The following CACNA2D4 variants were observed in gnomAD, a reference collection of about 807,000 sequenced individuals.
CACNA2D4 encodes voltage-dependent calcium channel subunit alpha-2/delta-4.
A neutral mutation model predicts 163.8 loss-of-function variants in CACNA2D4; 157 were observed. The observed-to-expected ratio is 0.96, with a 90% CI of 0.84 to 1.09. The LOEUF is 1.09. Ranked by LOEUF, CACNA2D4 falls within the 50% of genes least tolerant of loss-of-function variation. The probability of loss-of-function intolerance (pLI) is 0.00; values close to 1 mark genes in which losing one functional copy is unlikely to be tolerated. For missense variants in CACNA2D4, 1,410 were observed against 1,479.9 expected (o/e 0.95, Z 0.78); for synonymous variants, 598 against 586.9 (o/e 1.02, Z -0.27).
intron 24 of CACNA2D4, among the ~76,000 whole-genome samples, chr12:1,845,409 A>G (rs1592706648): frequency 4.4e-5 from 6 of 135,140 alleles, no homozygotes; most frequent in South Asian, 5.5e-4. Context: ...GGGAGGGAGG[A>G]GGGAGGGAAA....
intron 16 of CACNA2D4, among the ~76,000 whole-genome samples, chr12:1,876,254 T>A (rs908011364): frequency 5.9e-5 from 9 of 152,226 alleles, no homozygotes; most frequent in African/African-American, 2.2e-4. Context: ...TGCATTTTCA[T>A]CTTAGGGATA....
At position 1,814,894 on chromosome 12, in the gene CACNA2D4, T is replaced by C. The variant is rs1255773123; in HGVS notation, c.2552-3171A>G. Among the ~76,000 whole-genome samples, 3 of 152,160 alleles carry C rather than the reference T, an allele frequency of 2.0e-5. No individual in the cohort carries two copies. The East Asian group carries it at 5.8e-4, about 29-fold the overall frequency. On this transcript the variant is annotated intron_variant, in intron 26 of 37. Coordinates refer to ENST00000382722, the MANE Select transcript of CACNA2D4 (RefSeq NM_172364.5). The stretch of plus-strand genomic sequence containing the variant: ...TGTCGTCCCATTGCTCTTTTTTGTT[T>C]GTTTTGTGTTTTTGAGACAGAGTCT...
chr12:1,912,957 G>T, intron 3 of CACNA2D4, 66 bp downstream of exon 3: 1 of 971,970 alleles, frequency 1.0e-6, no homozygotes, highest in Non-Finnish European at 1.6e-6. Flanking sequence ...ACATCGGGAG[G>T]GTCACTCTGC....
At chr12:1,850,160 A>G (rs1865241631) in intron 23 of CACNA2D4, among the ~76,000 whole-genome samples, 1 of 152,170 alleles carries the variant, frequency 6.6e-6, no homozygotes, top group African/African-American at 2.4e-5. Context: ...ATTCCCCTCG[A>G]CGGGGTTTGA....
rs199570994 is a variant in CACNA2D4 at position 1,918,398 on chromosome 12, C to A, written c.76G>T (p.Ala26Ser). ...PTMPATPNFL[A>S]NPSSSSRWIP... Reference sequence around the variant, plus strand: ...CAGCGGCTGCTGGAGCTGGGGTTTGCGAGGAAGTTGGGAGTTGCAGGCATG... The same window carrying A: ...CAGCGGCTGCTGGAGCTGGGGTTTGAGAGGAAGTTGGGAGTTGCAGGCATG... The change falls in exon 1 of 38, where the codon GCA (alanine) becomes TCA (serine). Residue 26 changes from alanine to serine, a missense_variant. Coordinates refer to ENST00000382722, the MANE Select transcript of CACNA2D4 (RefSeq NM_172364.5). 16 of 1,598,616 alleles carry A rather than the reference C, an allele frequency of 1.0e-5. 1 individual carries two copies. Among genetic ancestry groups the A allele is most frequent in the South Asian group, 9.0e-5 (8 of 88,558 alleles).
intron 23 of CACNA2D4, among the ~76,000 whole-genome samples, chr12:1,849,181 T>C (rs1865219768): frequency 6.6e-6 from 1 of 152,208 alleles, no homozygotes; most frequent in South Asian, 2.1e-4. Flanking sequence ...CGGTGGGCCC[T>C]TTCAGGGGAG....
intron 18 of CACNA2D4, among the ~76,000 whole-genome samples, chr12:1,871,616 T>C (rs1236144413): frequency 6.6e-6 from 1 of 151,362 alleles, no homozygotes; most frequent in East Asian, 1.9e-4. Context: ...ATGCCGCTCG[T>C]GTGTGCATGT....
At chr12:1,891,432 G>T (rs768562655) in intron 6 of CACNA2D4, among the ~76,000 whole-genome samples, 2 of 152,122 alleles carry the variant, frequency 1.3e-5, no homozygotes, top group Non-Finnish European at 2.9e-5. Flanking sequence ...TTAGGAAAAA[G>T]TCCTCCCATA....
rs1176721732 is a variant in CACNA2D4, at chr12:1,843,143, T to C, written c.2470+1259A>G. Among the ~76,000 whole-genome samples, 1 of 152,160 alleles carries C rather than the reference T, an allele frequency of 6.6e-6. No homozygotes were observed. Among genetic ancestry groups the C allele is most frequent in the African/African-American group, 2.4e-5 (1 of 41,444 alleles). ...ATTGTTTTGTGAAGCATAGTAGTTA[T>C]TTGCACGTGTGTGGAGGGAACAGCA... is the stretch of plus-strand genomic sequence containing the variant. On this transcript the variant is annotated intron_variant, in intron 25 of 37. Coordinates refer to ENST00000382722, the MANE Select transcript of CACNA2D4 (RefSeq NM_172364.5). This position sits in a 1 kb window ranked among gnomAD's most constrained non-coding sequence, Gnocchi z 4.6.
At position 1,907,537 on chromosome 12, in the gene CACNA2D4, T is replaced by G. The variant is rs886049131; in HGVS notation, c.684A>C (p.Glu228Asp). ...PDILNGVYMS[E>D]ALNAVFVENF... ...TCTCCACGAAGACAGCATTCAAGGC[T>G]TCAGACATGTAGACTCCATTTAAAA... The change falls in exon 6 of 38, where the codon GAA (glutamate) becomes GAC (aspartate). Residue 228 changes from glutamate to aspartate, a missense_variant. Glu to Asp is a conservative substitution (Grantham distance 45). Transcript: ENST00000382722. 1.2e-6 allele frequency: 2 copies of G among 1,613,370 alleles called. No homozygotes were observed. The highest frequency in any genetic ancestry group is 1.7e-6 in the Non-Finnish European group (2 of 1,179,396).
At position 1,869,845 on chromosome 12, in the gene CACNA2D4, C is replaced by T. The variant is rs925732473; in HGVS notation, c.1878+4759G>A. 2.6e-5 allele frequency among the ~76,000 whole-genome samples: 4 copies of T among 152,240 alleles called. No individual in the cohort carries two copies. Among genetic ancestry groups the T allele is most frequent in the Non-Finnish European group, 5.9e-5 (4 of 68,050 alleles). On this transcript the variant is annotated intron_variant, in intron 18 of 37. Coordinates refer to ENST00000382722, the MANE Select transcript of CACNA2D4 (RefSeq NM_172364.5). The surrounding 1 kb of genome is among the most constrained non-coding windows in gnomAD (Gnocchi z 4.7). The stretch of plus-strand genomic sequence containing the variant: ...GAACATCTTTTCCTTTACACAGTTA[C>T]AATGTCTGCACTAAAGTCATTCTAA...
intron 26 of CACNA2D4, among the ~76,000 whole-genome samples, chr12:1,816,449 C>T (rs777152406): frequency 2.8e-5 from 4 of 141,418 alleles, no homozygotes; most frequent in African/African-American, 9.6e-5. Flanking sequence ...CCTGCCCCAG[C>T]GGGCCTCCTG....
chr12:1,853,262 G>A (rs1455577280), intron 23 of CACNA2D4, among the ~76,000 whole-genome samples: 1 of 152,162 alleles, frequency 6.6e-6, no homozygotes, highest in Non-Finnish European at 1.5e-5. Context: ...ACTATACTAT[G>A]TAGAATGGTA....
In CACNA2D4 at chr12:1,858,624, C is replaced by T. The variant is rs766608515; in HGVS notation, c.1961G>A (p.Arg654Gln). The change falls in exon 20 of 38, where the codon CGG (arginine) becomes CAG (glutamine). Residue 654 changes from arginine (R) to glutamine (Q), a missense_variant. Arg to Gln is a conservative substitution (Grantham distance 43, BLOSUM62 1). Transcript: ENST00000382722. ...CAGAAGGATGTATTCTCCGTGGCCC[C>T]GGGACAGCACCACCCCCAAACTGTG... Reference protein sequence around the residue: ...TPFSLGVVLSRGHGEYILLGN... With the variant: ...TPFSLGVVLSQGHGEYILLGN... 2.1e-5 allele frequency: 34 copies of T among 1,609,158 alleles called. No individual in the cohort carries two copies. Among genetic ancestry groups the T allele is most frequent in the Middle Eastern group, 1.7e-4 (1 of 6,052 alleles).
intron 26 of CACNA2D4, among the ~76,000 whole-genome samples, chr12:1,814,125 CAA>C (rs1164934322): frequency 6.6e-6 from 1 of 152,188 alleles, no homozygotes; most frequent in Non-Finnish European, 1.5e-5. Flanking sequence ...CCTCCGTGGT[CAA>C]AGAGGTCTCA....
chr12:1,797,330 CG>C, intron 35 of CACNA2D4, 87 bp downstream of exon 35: 1 of 970,790 alleles, frequency 1.0e-6, no homozygotes, highest in Non-Finnish European at 1.6e-6. Context: ...AGCCGTTTCC[CG>C]GGGGTTCCGG....
chr12:1,834,368 G>A lies in CACNA2D4; in HGVS notation c.2551+6371C>T. ...GATGTTCAACTACTGCTCCCAGCTGGAGGACGAGAATAGCTCAGCTGGGCT... is the reference window on the plus strand; with the variant it reads ...GATGTTCAACTACTGCTCCCAGCTGAAGGACGAGAATAGCTCAGCTGGGCT... On this transcript the variant is annotated intron_variant, in intron 26 of 37. Coordinates refer to ENST00000382722, the MANE Select transcript of CACNA2D4 (RefSeq NM_172364.5). This position sits in a 1 kb window ranked among gnomAD's most constrained non-coding sequence, Gnocchi z 7.6. The A allele has an allele frequency of 6.2e-7, 1 of 1,613,160 alleles. No homozygotes were observed. The highest frequency in any genetic ancestry group is 8.5e-7 in the Non-Finnish European group (1 of 1,180,008).
intron 18 of CACNA2D4, among the ~76,000 whole-genome samples, chr12:1,864,155 C>T (rs11062010): frequency 0.083 from 12,596 of 152,268 alleles, 707 homozygotes; most frequent in Middle Eastern, 0.14. Context: ...TTTGTAATTT[C>T]ATGAGCATGT....
At chr12:1,861,005 G>A (rs953179890) in intron 18 of CACNA2D4, among the ~76,000 whole-genome samples, 25 of 152,218 alleles carry the variant, frequency 1.6e-4, no homozygotes, top group African/African-American at 5.1e-4. Flanking sequence ...CGAGGCTGCC[G>A]TGAGGGTGCA....
Sources: gnomAD v4.1 joint callset for allele counts (sites outside exome capture counted in the v4.1 genomes callset) on GRCh38, gnomAD v4.1.1 for gene constraint, Gnocchi (gnomAD v3.1) non-coding constraint, MANE v1.5 for transcripts, NCBI Gene and HGNC (gene_info 2026-07-23, HGNC 2026-07-21) for gene names.